The following SV2B variants were observed in gnomAD, a reference collection of about 807,000 sequenced individuals.
SV2B encodes synaptic vesicle glycoprotein 2B.
In SV2B, 41 loss-of-function variants were observed where a neutral mutation model predicts 73.9. The observed-to-expected ratio is 0.56, with a 90% CI of 0.43 to 0.72. SV2B has a LOEUF of 0.72. Among genes scored for constraint, SV2B ranks in the 30% least tolerant of loss-of-function variants. SV2B has a pLI of 0.00. For missense variants in SV2B, 764 were observed against 857.8 expected (o/e 0.89, Z 1.37); for synonymous variants, 314 against 314.2 (o/e 1.00, Z 0.01).
At position 91,239,679 on chromosome 15, in the gene SV2B, T is replaced by C. The variant is rs1453490199; in HGVS notation, c.452-12140T>C. Among the ~76,000 whole-genome samples the C allele has an allele frequency of 6.6e-6, 1 of 152,176 alleles. No individual in the cohort carries two copies. The highest frequency in any genetic ancestry group is 2.4e-5 in the African/African-American group (1 of 41,444). On this transcript the variant is annotated intron_variant, in intron 2 of 12. Transcript: ENST00000394232. This position sits in a 1 kb window ranked among gnomAD's most constrained non-coding sequence, Gnocchi z 5.1. ...AGAGTCTTTCATTAGTATGGTTTCTTTTTTAGAAGGCAGCATGTGTATAGG... is the reference window on the plus strand; with the variant it reads ...AGAGTCTTTCATTAGTATGGTTTCTCTTTTAGAAGGCAGCATGTGTATAGG...
rs2151748346 is a variant in SV2B at position 91,123,763 on chromosome 15, G to A, written c.-392+23400G>A. Among the ~76,000 whole-genome samples the A allele has an allele frequency of 6.6e-6, 1 of 152,312 alleles. No homozygotes were observed. Among genetic ancestry groups the A allele is most frequent in the Admixed American group, 6.5e-5 (1 of 15,302 alleles). ...CTACTCCTTTCTCTATTCTGGGCGTGTCTTCACTGAAGGTCTCCAGAGAGG... is the reference window on the plus strand; with the variant it reads ...CTACTCCTTTCTCTATTCTGGGCGTATCTTCACTGAAGGTCTCCAGAGAGG... On this transcript the variant is annotated intron_variant, in intron 1 of 12. Coordinates refer to ENST00000394232, the MANE Select transcript of SV2B (RefSeq NM_001323032.3). This position sits in a 1 kb window ranked among gnomAD's most constrained non-coding sequence, Gnocchi z 4.7.
At chr15:91,120,246 C>T (rs1477292429) in intron 1 of SV2B, among the ~76,000 whole-genome samples, 3 of 152,090 alleles carry the variant, frequency 2.0e-5, no homozygotes, top group East Asian at 1.9e-4. Context: ...AAAATCATGG[C>T]GGAAGGTGAA....
chr15:91,203,432 G>C (rs1346799189), intron 1 of SV2B, among the ~76,000 whole-genome samples: 4 of 152,226 alleles, frequency 2.6e-5, no homozygotes, highest in Non-Finnish European at 5.9e-5. Flanking sequence ...ATCCTGTTAT[G>C]TATTGAAGCA....
At chr15:91,271,444 G>T (rs2048315380) in intron 9 of SV2B, among the ~76,000 whole-genome samples, 1 of 152,142 alleles carries the variant, frequency 6.6e-6, no homozygotes, top group African/African-American at 2.4e-5. Context: ...TCTTGGAGTG[G>T]ATTGTCTTCA....
At position 91,259,269 on chromosome 15, in the gene SV2B, G is replaced by C. The variant is rs1041209548; in HGVS notation, c.918+715G>C. Among the ~76,000 whole-genome samples the C allele has an allele frequency of 2.6e-5, 4 of 152,118 alleles. No individual in the cohort carries two copies. In the South Asian group the frequency reaches 6.2e-4, roughly 24 times the overall value. ...CACCAGACAGCTGCATCTGTGTCCTGAGAAATGAGTCCCATGAGCCTTCCA... is the reference window on the plus strand; with the variant it reads ...CACCAGACAGCTGCATCTGTGTCCTCAGAAATGAGTCCCATGAGCCTTCCA... On this transcript the variant is annotated intron_variant, in intron 5 of 12. Coordinates refer to ENST00000394232, the MANE Select transcript of SV2B (RefSeq NM_001323032.3).
chr15:91,171,221 T>G (rs538200792), intron 1 of SV2B, among the ~76,000 whole-genome samples: 2 of 152,314 alleles, frequency 1.3e-5, no homozygotes, highest in South Asian at 4.1e-4. Flanking sequence ...CTCTGCTGTG[T>G]GATCTTAGGC....
At chr15:91,243,891 G>T (rs950274649) in intron 2 of SV2B, among the ~76,000 whole-genome samples, 2 of 152,286 alleles carry the variant, frequency 1.3e-5, no homozygotes, top group African/African-American at 4.8e-5. Context: ...CAGGAGGGGC[G>T]GTTCTGCTCT....
intron 1 of SV2B, among the ~76,000 whole-genome samples, chr15:91,126,045 C>T (rs1400259891): frequency 6.6e-6 from 1 of 152,014 alleles, no homozygotes; most frequent in African/African-American, 2.4e-5. Context: ...AAAGAAAGAA[C>T]ACATCTAGCA....
intron 1 of SV2B, among the ~76,000 whole-genome samples, chr15:91,144,226 A>G (rs991740127): frequency 6.6e-6 from 1 of 152,224 alleles, no homozygotes; most frequent in Non-Finnish European, 1.5e-5. Flanking sequence ...ATGTACTTAC[A>G]AAAAACCAGA....
intron 1 of SV2B, among the ~76,000 whole-genome samples, chr15:91,171,581 C>T (rs776031578): frequency 8.5e-5 from 13 of 152,130 alleles, no homozygotes; most frequent in South Asian, 8.3e-4. Flanking sequence ...TTTCTCAGAG[C>T]GGTTGGTTGG....
intron 12 of SV2B, among the ~76,000 whole-genome samples, chr15:91,291,637 G>A (rs571767417): frequency 3.4e-3 from 521 of 152,304 alleles, no homozygotes; most frequent in Non-Finnish European, 5.9e-3. Flanking sequence ...AGAAGGTTAA[G>A]CATTGCATTT....
chr15:91,150,786 T>A (rs2043291235), intron 1 of SV2B, among the ~76,000 whole-genome samples: 1 of 152,232 alleles, frequency 6.6e-6, no homozygotes, highest in African/African-American at 2.4e-5. Context: ...AAATCATGTC[T>A]GAGCCTTAGA....
rs372276765 is a variant in SV2B at position 91,220,693 on chromosome 15, G to T, written c.-391-5180G>T. Among the ~76,000 whole-genome samples, 2 of 152,166 alleles carry T rather than the reference G, an allele frequency of 1.3e-5. No homozygotes were observed. The highest frequency in any genetic ancestry group is 1.3e-4 in the Admixed American group (2 of 15,276). On this transcript the variant is annotated intron_variant, in intron 1 of 12. Transcript: ENST00000394232. This position sits in a 1 kb window ranked among gnomAD's most constrained non-coding sequence, Gnocchi z 4.1. ...GCATGGGAGGTAGTTGTTTTTAGGAGTAACTCAATATTTGTTTGTTTTTCT... is the reference window on the plus strand; with the variant it reads ...GCATGGGAGGTAGTTGTTTTTAGGATTAACTCAATATTTGTTTGTTTTTCT...
At chr15:91,138,152 A>G (rs1001736983) in intron 1 of SV2B, among the ~76,000 whole-genome samples, 1 of 152,180 alleles carries the variant, frequency 6.6e-6, no homozygotes, top group Non-Finnish European at 1.5e-5. Flanking sequence ...AACAAAACCC[A>G]ACAATAACAA....
In SV2B at chr15:91,261,911, C is replaced by T. The variant is rs946264450; in HGVS notation, c.1008+1502C>T. 2.0e-5 allele frequency among the ~76,000 whole-genome samples: 3 copies of T among 152,306 alleles called. No individual in the cohort carries two copies. In the East Asian group the frequency reaches 5.8e-4, roughly 29 times the overall value. On this transcript the variant is annotated intron_variant, in intron 6 of 12. Coordinates refer to ENST00000394232, the MANE Select transcript of SV2B (RefSeq NM_001323032.3). This position sits in a 1 kb window ranked among gnomAD's most constrained non-coding sequence, Gnocchi z 4.7. Reference sequence around the variant, plus strand: ...GAGGCTATAGGCATCTTTGTGCACCCGTTTTTATAACTTCCCCTACTTCAA... The same window carrying T: ...GAGGCTATAGGCATCTTTGTGCACCTGTTTTTATAACTTCCCCTACTTCAA...
At chr15:91,282,965 C>T (rs749821114) in intron 10 of SV2B, among the ~76,000 whole-genome samples, 11 of 152,152 alleles carry the variant, frequency 7.2e-5, no homozygotes, top group Non-Finnish European at 1.6e-4. Context: ...TGAATGATGC[C>T]TCCTCATTTG....
chr15:91,210,259 C>T (rs2045806618), intron 1 of SV2B, among the ~76,000 whole-genome samples: 1 of 151,950 alleles, frequency 6.6e-6, no homozygotes, highest in Non-Finnish European at 1.5e-5. Context: ...GGGGAGGTTT[C>T]CAGAGGCTGG....
At chr15:91,270,843 G>GGACGGTGAGTCCTGTGGACGATGGGA in intron 9 of SV2B, among the ~76,000 whole-genome samples, 1 of 92,930 alleles carries the variant, frequency 1.1e-5, no homozygotes, top group East Asian at 2.7e-4. Context: ...GGATGATGGG[G>GGACGGTGAGTCCTGTGGACGATGGGA]GGACGGTGAA....
intron 1 of SV2B, among the ~76,000 whole-genome samples, chr15:91,170,025 A>G (rs2044064866): frequency 6.6e-6 from 1 of 152,236 alleles, no homozygotes; most frequent in South Asian, 2.1e-4. Flanking sequence ...GATTTATTTT[A>G]GCCCAGGGAT....
Sources: gnomAD v4.1 joint callset for allele counts (sites outside exome capture counted in the v4.1 genomes callset) on GRCh38, gnomAD v4.1.1 for gene constraint, Gnocchi (gnomAD v3.1) non-coding constraint, MANE v1.5 for transcripts, NCBI Gene and HGNC (gene_info 2026-07-23, HGNC 2026-07-21) for gene names.